SEMA5A: variants seen among roughly 807,000 people sequenced by gnomAD.
SEMA5A encodes the protein semaphorin 5A.
Under a neutral mutation model 135.5 loss-of-function variants are expected in SEMA5A, and 55 were observed. That is an observed-to-expected ratio of 0.41 (90% CI 0.33 to 0.51). The LOEUF (loss-of-function observed/expected upper bound fraction) is 0.51, where lower values mean the gene tolerates loss of function less well. SEMA5A is among the 20% of genes least tolerant of loss of function. The pLI is 0.37. For synonymous variants in SEMA5A, 580 were observed against 546.5 expected, an observed-to-expected ratio of 1.06 and a Z score of -0.85; for missense variants, 1,290 against 1,419.9, an observed-to-expected ratio of 0.91 and a Z score of 1.47.
intron 2 of SEMA5A, among the ~76,000 whole-genome samples, chr5:9,415,525 T>A (rs1035191788): frequency 6.6e-6 from 1 of 152,232 alleles, no homozygotes; most frequent in African/African-American, 2.4e-5. Flanking sequence ...GATGAAAAAT[T>A]ATCTTTTCCA....
chr5:9,064,263 C>T (rs890757161), intron 17 of SEMA5A, among the ~76,000 whole-genome samples: 1 of 152,092 alleles, frequency 6.6e-6, no homozygotes, highest in African/African-American at 2.4e-5. Context: ...TTTGTGTTTT[C>T]AAGATATCAA....
chr5:9,519,163 G>A (rs1453579199), intron 1 of SEMA5A, among the ~76,000 whole-genome samples: 1 of 152,128 alleles, frequency 6.6e-6, no homozygotes, highest in Non-Finnish European at 1.5e-5. Context: ...ATTGTATACT[G>A]ACGGAGTGTG....
intron 4 of SEMA5A, among the ~76,000 whole-genome samples, chr5:9,325,938 G>T (rs1752853100): frequency 6.6e-6 from 1 of 152,164 alleles, no homozygotes; most frequent in African/African-American, 2.4e-5. Flanking sequence ...GAAGGCAGAA[G>T]CCGATAAAAT....
At chr5:9,534,514 A>G (rs2126349506) in intron 1 of SEMA5A, among the ~76,000 whole-genome samples, 1 of 152,306 alleles carries the variant, frequency 6.6e-6, no homozygotes, top group Non-Finnish European at 1.5e-5. Flanking sequence ...GGACTTATTA[A>G]GGGCCATGAT....
rs188718663 is a variant in SEMA5A at position 9,496,735 on chromosome 5, T to C, written c.-175+48849A>G. On this transcript the variant is annotated intron_variant, in intron 1 of 22. Transcript: ENST00000382496. ...CAAGTAGTCAAGAAAAAAATGACCA[T>C]CCTGGAGTATTCAATTACCTGAGGA... 4.3e-3 allele frequency among the ~76,000 whole-genome samples: 655 copies of C among 152,272 alleles called. 3 individuals are homozygous for C. The highest frequency in any genetic ancestry group is 0.015 in the African/African-American group (631 of 41,556).
At chr5:9,424,330 T>A (rs1757570772) in intron 2 of SEMA5A, among the ~76,000 whole-genome samples, 1 of 152,206 alleles carries the variant, frequency 6.6e-6, no homozygotes, top group Non-Finnish European at 1.5e-5. Context: ...AAGAGGAGAA[T>A]TACCTTTGAG....
At chr5:9,097,890 G>C (rs1566894) in intron 16 of SEMA5A, among the ~76,000 whole-genome samples, 17,265 of 152,246 alleles carry the variant, frequency 0.11, 1,060 homozygotes, top group South Asian at 0.17. Context: ...GTACTTGGCT[G>C]TTGGTAAGAG....
rs1339673839 is a variant in SEMA5A at position 9,538,904 on chromosome 5, A to G, written c.-175+6680T>C. Among the ~76,000 whole-genome samples, 3 of 152,356 alleles carry G rather than the reference A, an allele frequency of 2.0e-5. No homozygotes were observed. The East Asian group carries it at 5.8e-4, about 29-fold the overall frequency. ...TCGTATTTAGGCCACTGGCTGTTTA[A>G]TTTACTCTAATTTTAGAGATGATGT... is the stretch of plus-strand genomic sequence containing the variant. On this transcript the variant is annotated intron_variant, in intron 1 of 22. Transcript: ENST00000382496.
chr5:9,283,884 C>T (rs964245429), intron 5 of SEMA5A, among the ~76,000 whole-genome samples: 1 of 152,162 alleles, frequency 6.6e-6, no homozygotes, highest in Non-Finnish European at 1.5e-5. Context: ...CCAAACTTCA[C>T]CTTATTTTCA....
intron 5 of SEMA5A, among the ~76,000 whole-genome samples, chr5:9,252,569 C>T (rs115914462): frequency 7.9e-5 from 12 of 152,166 alleles, no homozygotes; most frequent in Admixed American, 2.0e-4. Flanking sequence ...CGAGTTTATA[C>T]GTTGAATTAG....
Position 9,514,588 on chromosome 5 carries a change from T to C in SEMA5A, c.-175+30996A>G, listed in dbSNP as rs996888282. Among the ~76,000 whole-genome samples, 4 of 152,214 alleles carry C rather than the reference T, an allele frequency of 2.6e-5. No homozygotes were observed. In the East Asian group the frequency reaches 7.7e-4, roughly 29 times the overall value. On this transcript the variant is annotated intron_variant, in intron 1 of 22. Transcript: ENST00000382496. ...CCTCCCATGTACTTTAAATTATCTC[T>C]AGATTACTTACAATCCCTAATACAA...
rs573464954 is a variant in SEMA5A, at chr5:9,406,577, T to C, written c.-77-26554A>G. Among the ~76,000 whole-genome samples, 13 of 152,326 alleles carry C rather than the reference T, an allele frequency of 8.5e-5. No homozygotes were observed. The South Asian group carries it at 2.5e-3, about 29-fold the overall frequency. ...AAATATAAAATTTAAGCCTTAAATA[T>C]TTATTGGATATGTCAAGTATGGATG... On this transcript the variant is annotated intron_variant, in intron 2 of 22. Coordinates refer to ENST00000382496, the MANE Select transcript of SEMA5A (RefSeq NM_003966.3).
At chr5:9,165,390 A>G (rs567408818) in intron 11 of SEMA5A, among the ~76,000 whole-genome samples, 1 of 152,224 alleles carries the variant, frequency 6.6e-6, no homozygotes, top group South Asian at 2.1e-4. Context: ...TATTATCTGG[A>G]TTCCATTCTC....
chr5:9,416,075 T>C (rs948481598), intron 2 of SEMA5A, among the ~76,000 whole-genome samples: 5 of 152,218 alleles, frequency 3.3e-5, no homozygotes, highest in African/African-American at 1.2e-4. Flanking sequence ...GTATACATTT[T>C]ACACTAAACC....
At position 9,062,741 on chromosome 5, in the gene SEMA5A, A is replaced by G. The variant is rs1737250932; in HGVS notation, c.2518+146T>C. ...CTCACAAAGTGCTGGGATTACCAGC[A>G]TGAGCAACCACGCATAGCCAAGACA... On this transcript the variant is annotated intron_variant, in intron 18 of 22. Transcript: ENST00000382496. The G allele has an allele frequency of 1.5e-5, 12 of 802,352 alleles. No homozygotes were observed. In the South Asian group the frequency reaches 2.1e-4, roughly 14 times the overall value. 49.7% of individuals were successfully genotyped at this position (802,352 alleles called of 1,614,324 possible).
At chr5:9,267,842 G>A (rs1749763993) in intron 5 of SEMA5A, among the ~76,000 whole-genome samples, 1 of 152,068 alleles carries the variant, frequency 6.6e-6, no homozygotes, top group Non-Finnish European at 1.5e-5. Flanking sequence ...TTTTAAATTG[G>A]CAGCTGGGTA....
intron 12 of SEMA5A, among the ~76,000 whole-genome samples, chr5:9,149,945 A>G (rs1560963783): frequency 6.6e-6 from 1 of 152,236 alleles, no homozygotes; most frequent in Non-Finnish European, 1.5e-5. Flanking sequence ...GCAGGAAGTC[A>G]GTGAGTGGCT....
At chr5:9,052,704 G>A (rs1270865238) in intron 19 of SEMA5A, among the ~76,000 whole-genome samples, 1 of 152,016 alleles carries the variant, frequency 6.6e-6, no homozygotes, top group Non-Finnish European at 1.5e-5. Context: ...GCATTGAAAG[G>A]ATACTTCATC....
At chr5:9,075,217 A>G (rs1737982291) in intron 16 of SEMA5A, among the ~76,000 whole-genome samples, 1 of 152,214 alleles carries the variant, frequency 6.6e-6, no homozygotes, top group South Asian at 2.1e-4. Flanking sequence ...TATCTCATAC[A>G]CTGCTGATAG....
Sources: gnomAD v4.1 joint callset for allele counts (sites outside exome capture counted in the v4.1 genomes callset) on GRCh38, gnomAD v4.1.1 for gene constraint, MANE v1.5 for transcripts, NCBI Gene and HGNC (gene_info 2026-07-23, HGNC 2026-07-21) for gene names.